The following PCED1B variants were observed in gnomAD, a reference collection of about 807,000 sequenced individuals.
PCED1B encodes the protein PC-esterase domain-containing protein 1B.
For synonymous variants in PCED1B, 251 were observed against 246.1 expected, an observed-to-expected ratio of 1.02 and a Z score of -0.19; for missense variants, 573 against 573.9, an observed-to-expected ratio of 1.00 and a Z score of 0.02.
chr12:47,101,098 A>G (rs1289035193), intron 1 of PCED1B, among the ~76,000 whole-genome samples: 6 of 152,098 alleles, frequency 3.9e-5, no homozygotes, highest in Non-Finnish European at 7.3e-5. Context: ...TTATTTGATC[A>G]TCTTGTTTCA....
chr12:47,165,798 A>G (rs1248389764), intron 2 of PCED1B, among the ~76,000 whole-genome samples: 1 of 152,222 alleles, frequency 6.6e-6, no homozygotes, highest in East Asian at 1.9e-4. Flanking sequence ...TGACAGAGGC[A>G]TAATGTGCAC....
intron 2 of PCED1B, chr12:47,208,334 C>G (rs1942971818): frequency 6.6e-6 from 1 of 152,466 alleles, no homozygotes; most frequent in African/African-American, 2.4e-5. Flanking sequence ...TTTCTGGGCT[C>G]AGGTGATCCT....
chr12:47,174,751 C>A (rs1193962714), intron 2 of PCED1B, among the ~76,000 whole-genome samples: 1 of 152,132 alleles, frequency 6.6e-6, no homozygotes, highest in African/African-American at 2.4e-5. Flanking sequence ...TCTGCCTTTT[C>A]TACATCAGAG....
chr12:47,087,255 T>G (rs1938032552), intron 1 of PCED1B, among the ~76,000 whole-genome samples: 1 of 152,234 alleles, frequency 6.6e-6, no homozygotes, highest in Admixed American at 6.5e-5. Flanking sequence ...ATTCTCACCA[T>G]ATACCAGGCT....
intron 2 of PCED1B, among the ~76,000 whole-genome samples, chr12:47,155,109 C>T (rs372527563): frequency 6.6e-5 from 10 of 152,108 alleles, no homozygotes; most frequent in Non-Finnish European, 1.5e-4. Context: ...TGCAATAGTT[C>T]GGAAAGATGA....
At chr12:47,083,366 T>G (rs574548688) in intron 1 of PCED1B, among the ~76,000 whole-genome samples, 1 of 152,070 alleles carries the variant, frequency 6.6e-6, no homozygotes, top group East Asian at 1.9e-4. Context: ...CACTGGGTGT[T>G]CTTTGGAGAT....
At chr12:47,149,888 CAG>C (rs2137445808) in intron 2 of PCED1B, among the ~76,000 whole-genome samples, 1 of 152,270 alleles carries the variant, frequency 6.6e-6, no homozygotes, top group Admixed American at 6.5e-5. Flanking sequence ...CTTATGCTGG[CAG>C]TTTATCAATT....
intron 2 of PCED1B, among the ~76,000 whole-genome samples, chr12:47,116,512 C>CA (rs887591726): frequency 1.3e-5 from 2 of 151,842 alleles, no homozygotes; most frequent in East Asian, 1.9e-4. Flanking sequence ...TGTTAATTTT[C>CA]AAAAAACACC....
chr12:47,190,300 C>T (rs1397255608), intron 2 of PCED1B, among the ~76,000 whole-genome samples: 1 of 152,128 alleles, frequency 6.6e-6, no homozygotes, highest in Non-Finnish European at 1.5e-5. Flanking sequence ...CATTGTGGCC[C>T]CAGTTCTGGG....
chr12:47,087,120 C>T (rs1468709403), intron 1 of PCED1B, among the ~76,000 whole-genome samples: 2 of 152,134 alleles, frequency 1.3e-5, no homozygotes, highest in African/African-American at 2.4e-5. Flanking sequence ...GTAATTTGCT[C>T]TGGAACTCTG....
At chr12:47,105,678 A>C (rs1049221762) in intron 2 of PCED1B, among the ~76,000 whole-genome samples, 2 of 152,190 alleles carry the variant, frequency 1.3e-5, no homozygotes, top group African/African-American at 4.8e-5. Context: ...GCTTTACCCA[A>C]AATAGTCGAC....
intron 2 of PCED1B, among the ~76,000 whole-genome samples, chr12:47,117,132 G>A (rs116953970): frequency 2.7e-4 from 41 of 152,272 alleles, no homozygotes; most frequent in East Asian, 3.9e-4. Context: ...ACAGAAAGGC[G>A]TCACTGTGCC....
intron 2 of PCED1B, among the ~76,000 whole-genome samples, chr12:47,215,817 G>A (rs1943240260): frequency 7.4e-6 from 1 of 135,404 alleles, no homozygotes; most frequent in African/African-American, 3.0e-5. Flanking sequence ...CACTTTGGGA[G>A]GCCAAGGCGG....
chr12:47,149,664 GCTTTTT>G (rs1441858250), intron 2 of PCED1B, among the ~76,000 whole-genome samples: 1 of 152,112 alleles, frequency 6.6e-6, no homozygotes. Flanking sequence ...TGTTTTAATA[GCTTTTT>G]CTTTTTCTCT....
chr12:47,153,277 G>A (rs1280297190), intron 2 of PCED1B, among the ~76,000 whole-genome samples: 1 of 149,710 alleles, frequency 6.7e-6, no homozygotes, highest in East Asian at 2.0e-4. Flanking sequence ...ATGAACCCAG[G>A]AGGTGGAGCT....
intron 2 of PCED1B, chr12:47,135,949 C>CA (rs34127875): frequency 0.68 from 99,000 of 146,298 alleles, 32,239 homozygotes; most frequent in East Asian, 0.76. Flanking sequence ...GATGGTTCTC[C>CA]AAAAAAAAAA....
At chr12:47,222,116 TAA>T (rs63691461) in intron 3 of PCED1B, among the ~76,000 whole-genome samples, 57,058 of 118,272 alleles carry the variant, frequency 0.48, 13,381 homozygotes, top group East Asian at 0.61. Context: ...AAAAAAAAAT[TAA>T]AAAAAAAAAA....
At chr12:47,212,671 C>T (rs986524972) in intron 2 of PCED1B, among the ~76,000 whole-genome samples, 15 of 152,204 alleles carry the variant, frequency 9.9e-5, no homozygotes, top group Admixed American at 3.9e-4. Flanking sequence ...TCAGTATTTA[C>T]GTTTTTTTCC....
At chr12:47,211,012 A>T (rs1214262900) in intron 2 of PCED1B, among the ~76,000 whole-genome samples, 1 of 152,260 alleles carries the variant, frequency 6.6e-6, no homozygotes, top group Non-Finnish European at 1.5e-5. Flanking sequence ...GCAAATATTC[A>T]TCATAAAAGA....
Sources: allele counts gnomAD v4.1 joint callset (sites outside exome capture counted in the v4.1 genomes callset), GRCh38; gene constraint gnomAD v4.1.1; transcripts MANE v1.5; gene names NCBI Gene and HGNC (gene_info 2026-07-23, HGNC 2026-07-21).